The following ACER2 variants were observed in gnomAD, a reference collection of about 807,000 sequenced individuals.
ACER2 encodes alkCDase 2.
A neutral mutation model predicts 34.7 loss-of-function variants in ACER2; 26 were observed. That is an observed-to-expected ratio of 0.75 (90% confidence interval 0.55 to 1.04). The LOEUF is 1.04. Among genes scored for constraint, ACER2 ranks in the 50% least tolerant of loss-of-function variants. ACER2 has a pLI of 0.00. For synonymous variants in ACER2, 138 were observed against 132.1 expected (o/e 1.04, Z -0.31); for missense variants, 352 against 340.8 (o/e 1.03, Z -0.26).
intron 4 of ACER2, among the ~76,000 whole-genome samples, chr9:19,444,867 T>C (rs1036687850): frequency 6.6e-6 from 1 of 152,234 alleles, no homozygotes. Flanking sequence ...TCTAAAAACT[T>C]TTCAAGGGAT....
chr9:19,434,577 C>T (rs1270567340), intron 3 of ACER2, among the ~76,000 whole-genome samples: 4 of 152,232 alleles, frequency 2.6e-5, no homozygotes, highest in Non-Finnish European at 5.9e-5. Context: ...TGGAGACCAG[C>T]CTGGCCAACA....
chr9:19,440,071 C>G (rs546127366), intron 4 of ACER2, among the ~76,000 whole-genome samples: 1 of 152,112 alleles, frequency 6.6e-6, no homozygotes, highest in Admixed American at 6.5e-5. Flanking sequence ...ACCCAAATCC[C>G]TCTCTATAGG....
chr9:19,441,048 CTT>C (rs539195950), intron 4 of ACER2, among the ~76,000 whole-genome samples: 31 of 138,856 alleles, frequency 2.2e-4, no homozygotes, highest in Admixed American at 2.9e-4. Flanking sequence ...TTTTCTTTTT[CTT>C]TTTTTTTTTT....
chr9:19,409,331 C>T, intron 1 of ACER2, 139 bp downstream of exon 1: 1 of 740,954 alleles, frequency 1.3e-6, no homozygotes, highest in Non-Finnish European at 2.2e-6. Flanking sequence ...GTCCACACCC[C>T]CTCCTCGGCG....
chr9:19,426,358 T>TCTC (rs1830569740), intron 3 of ACER2, among the ~76,000 whole-genome samples: 1 of 118,216 alleles, frequency 8.5e-6, no homozygotes, highest in Non-Finnish European at 1.9e-5. Flanking sequence ...CTCCCTCTCT[T>TCTC]TCTCTCTCTC....
At chr9:19,413,064 C>T (rs1390149020) in intron 1 of ACER2, among the ~76,000 whole-genome samples, 2 of 152,148 alleles carry the variant, frequency 1.3e-5, no homozygotes, top group Non-Finnish European at 2.9e-5. Context: ...TGTGAAATGG[C>T]ACACTAAAGA....
intron 1 of ACER2, among the ~76,000 whole-genome samples, chr9:19,416,001 T>C (rs139380723): frequency 2.0e-5 from 3 of 151,504 alleles, no homozygotes; most frequent in Admixed American, 2.0e-4. Flanking sequence ...CATGTAAATG[T>C]GAAGAAAATG....
rs139756991 is a variant in ACER2 at position 19,432,459 on chromosome 9, T to C, written c.366-2488T>C. 4.3e-3 allele frequency among the ~76,000 whole-genome samples: 649 copies of C among 152,116 alleles called. 5 individuals carry two copies. Among genetic ancestry groups the C allele is most frequent in the African/African-American group, 0.015 (626 of 41,522 alleles). Reference sequence around the variant, plus strand: ...TTCTGTTTTGCAAATCAGGTTTTATTGGCACCCAGCCATGCTCCTTCATTT... The same window carrying C: ...TTCTGTTTTGCAAATCAGGTTTTATCGGCACCCAGCCATGCTCCTTCATTT... On this transcript the variant is annotated intron_variant, in intron 3 of 5. Transcript: ENST00000340967.
chr9:19,415,338 A>G (rs1830210158), intron 1 of ACER2, among the ~76,000 whole-genome samples: 1 of 151,942 alleles, frequency 6.6e-6, no homozygotes, highest in African/African-American at 2.4e-5. Context: ...TGAAAATACA[A>G]AAAATTAGAT....
intron 2 of ACER2, 116 bp from the exon 3 acceptor site, chr9:19,424,580 CAGAG>C: frequency 2.0e-6 from 3 of 1,495,286 alleles, no homozygotes; most frequent in South Asian, 1.4e-5. Flanking sequence ...TTTCTTTTTT[CAGAG>C]AGAGAGTGAT....
At chr9:19,433,409 G>A (rs1385519421) in intron 3 of ACER2, among the ~76,000 whole-genome samples, 1 of 151,964 alleles carries the variant, frequency 6.6e-6, no homozygotes, top group East Asian at 1.9e-4. Context: ...ATCTTGCACC[G>A]CCCTTAATCC....
intron 1 of ACER2, among the ~76,000 whole-genome samples, chr9:19,422,741 A>G (rs1830442374): frequency 6.6e-6 from 1 of 151,804 alleles, no homozygotes; most frequent in Admixed American, 6.6e-5. Context: ...CTTTAAAAAC[A>G]CAAAAGCAGG....
chr9:19,448,051 G>T (rs1459101501), intron 5 of ACER2, among the ~76,000 whole-genome samples: 1 of 133,288 alleles, frequency 7.5e-6, no homozygotes, highest in African/African-American at 2.9e-5. Flanking sequence ...CTGTTGCCCA[G>T]GCTGGAGTGC....
At chr9:19,444,921 A>G (rs995232963) in intron 4 of ACER2, among the ~76,000 whole-genome samples, 9 of 152,234 alleles carry the variant, frequency 5.9e-5, no homozygotes. Context: ...GTTTTTGAAC[A>G]GGTCTTTCTG....
At chr9:19,425,314 T>G (rs1005611925) in intron 3 of ACER2, among the ~76,000 whole-genome samples, 2 of 152,216 alleles carry the variant, frequency 1.3e-5, no homozygotes, top group African/African-American at 4.8e-5. Flanking sequence ...ATGAGAGCTG[T>G]GCACCTGCGT....
intron 1 of ACER2, among the ~76,000 whole-genome samples, chr9:19,415,100 T>C (rs1830203467): frequency 6.6e-6 from 1 of 152,256 alleles, no homozygotes. Flanking sequence ...CCAGCCTTGG[T>C]AGATGGGCTA....
At chr9:19,432,080 C>A (rs138477896) in intron 3 of ACER2, among the ~76,000 whole-genome samples, 1 of 152,130 alleles carries the variant, frequency 6.6e-6, no homozygotes, top group Non-Finnish European at 1.5e-5. Flanking sequence ...GAAGAAAGAG[C>A]GTGTCTAGGA....
intron 4 of ACER2, among the ~76,000 whole-genome samples, chr9:19,445,104 G>A (rs1036227094): frequency 1.8e-4 from 28 of 152,322 alleles, no homozygotes; most frequent in Admixed American, 1.6e-3. Context: ...GATCTTGACT[G>A]ACCCAGGAGT....
chr9:19,416,178 C>T (rs1302280041), intron 1 of ACER2, among the ~76,000 whole-genome samples: 4 of 151,986 alleles, frequency 2.6e-5, no homozygotes, highest in South Asian at 2.1e-4. Flanking sequence ...TCCCTTGATC[C>T]GCCTTCATCT....
Sources: allele counts gnomAD v4.1 joint callset (sites outside exome capture counted in the v4.1 genomes callset), GRCh38; gene constraint gnomAD v4.1.1; transcripts MANE v1.5; gene names NCBI Gene and HGNC (gene_info 2026-07-23, HGNC 2026-07-21).